Variants in KCNB2 observed in about 807,000 individuals in gnomAD.
KCNB2 encodes potassium voltage-gated channel subfamily B member 2.
KCNB2 carries 15 observed loss-of-function variants against 61.5 expected under a neutral mutation model. The ratio of observed to expected loss-of-function variants is 0.24; its 90% CI spans 0.16 to 0.38. The LOEUF is 0.38. Among genes scored for constraint, KCNB2 ranks in the 10% least tolerant of loss-of-function variants. The probability of loss-of-function intolerance (pLI) is 1.00; values close to 1 mark genes in which losing one functional copy is unlikely to be tolerated. For missense variants in KCNB2, 828 were observed against 1,125.2 expected, an observed-to-expected ratio of 0.74 and a Z score of 3.78; for synonymous variants, 457 against 446.0, an observed-to-expected ratio of 1.02 and a Z score of -0.31.
At chr8:72,630,550 C>T (rs1280571067) in intron 2 of KCNB2, among the ~76,000 whole-genome samples, 1 of 152,156 alleles carries the variant, frequency 6.6e-6, no homozygotes, top group Non-Finnish European at 1.5e-5. Context: ...AATTTATTGC[C>T]TTTCAATTCT....
At chr8:72,577,727 C>G (rs1441836191) in intron 2 of KCNB2, among the ~76,000 whole-genome samples, 1 of 152,188 alleles carries the variant, frequency 6.6e-6, no homozygotes, top group African/African-American at 2.4e-5. Flanking sequence ...GCCTACGCCA[C>G]AGCAGTGCCA....
At chr8:72,866,727 C>T (rs1805528101) in intron 2 of KCNB2, among the ~76,000 whole-genome samples, 1 of 152,196 alleles carries the variant, frequency 6.6e-6, no homozygotes, top group South Asian at 2.1e-4. Flanking sequence ...CTGCTATGGG[C>T]ACCTCTCATT....
chr8:72,551,949 G>A (rs999641463), intron 1 of KCNB2, among the ~76,000 whole-genome samples: 1 of 152,154 alleles, frequency 6.6e-6, no homozygotes, highest in African/African-American at 2.4e-5. Context: ...GTCATAAAAT[G>A]GAACCGGGAG....
chr8:72,834,071 T>A (rs1809739732), intron 2 of KCNB2, among the ~76,000 whole-genome samples: 1 of 152,200 alleles, frequency 6.6e-6, no homozygotes, highest in Non-Finnish European at 1.5e-5. Flanking sequence ...AGAAATATAT[T>A]CATTCTGTTT....
At chr8:72,806,601 T>C (rs756067272) in intron 2 of KCNB2, among the ~76,000 whole-genome samples, 21 of 150,718 alleles carry the variant, frequency 1.4e-4, no homozygotes, top group Admixed American at 2.6e-4. Flanking sequence ...GGCGACAGAG[T>C]GAGAATCAGT....
In KCNB2 at chr8:72,938,183, A is replaced by C; in HGVS notation, c.*92A>C. The C allele has an allele frequency of 9.6e-7, 1 of 1,038,472 alleles. No homozygotes were observed. The highest frequency in any genetic ancestry group is 1.4e-6 in the Non-Finnish European group (1 of 703,418). 64.3% of individuals were successfully genotyped at this position (1,038,472 alleles called of 1,614,324 possible). A position where few individuals can be genotyped will look rare whatever the true frequency, so the allele number is the denominator to read the frequency against. On this transcript the variant is annotated 3_prime_UTR_variant, in exon 3 of 3. Transcript: ENST00000523207. ...TTAATAATGCCTGTGAACTAAAAAA[A>C]TGGGAAGCCCTCCCCAAAAAAAGTG... is the stretch of plus-strand genomic sequence containing the variant.
At chr8:72,619,348 TG>T (rs1350696841) in intron 2 of KCNB2, 1 of 577,372 alleles carries the variant, frequency 1.7e-6, no homozygotes, top group African/African-American at 1.9e-5. Context: ...TGAAGAGGCT[TG>T]GCTTCTGATT....
At chr8:72,668,380 A>T (rs761555069) in intron 2 of KCNB2, among the ~76,000 whole-genome samples, 18 of 152,148 alleles carry the variant, frequency 1.2e-4, no homozygotes, top group Non-Finnish European at 2.1e-4. Context: ...TCTAGTGTGG[A>T]TTATGGCCCC....
chr8:72,898,607 C>T (rs1039569440), intron 2 of KCNB2, among the ~76,000 whole-genome samples: 1 of 152,116 alleles, frequency 6.6e-6, no homozygotes, highest in African/African-American at 2.4e-5. Flanking sequence ...TTCCCTTGCT[C>T]TTTCCTATTC....
In KCNB2 at chr8:72,717,901, T is replaced by C. The variant is rs893140131; in HGVS notation, c.579+149588T>C. ...AACCTACAGAATGGGAGAAAATTTTTGCAACCTCCTCATCTGACAAAGGGC... is the reference window on the plus strand; with the variant it reads ...AACCTACAGAATGGGAGAAAATTTTCGCAACCTCCTCATCTGACAAAGGGC... On this transcript the variant is annotated intron_variant, in intron 2 of 2. Coordinates refer to ENST00000523207, the MANE Select transcript of KCNB2 (RefSeq NM_004770.3). Among the ~76,000 whole-genome samples, 78 of 152,270 alleles carry C rather than the reference T, an allele frequency of 5.1e-4. 1 individual carries two copies. Among genetic ancestry groups the C allele is most frequent in the Non-Finnish European group, 1.0e-3 (69 of 68,028 alleles).
chr8:72,864,698 T>C (rs1032781890), intron 2 of KCNB2, among the ~76,000 whole-genome samples: 3 of 152,208 alleles, frequency 2.0e-5, no homozygotes, highest in Non-Finnish European at 4.4e-5. Flanking sequence ...CGAAGGTGAC[T>C]GTAATAGGAT....
intron 2 of KCNB2, among the ~76,000 whole-genome samples, chr8:72,932,030 A>AAAC (rs778060759): frequency 6.4e-4 from 91 of 141,462 alleles, no homozygotes; most frequent in African/African-American, 2.2e-3. Flanking sequence ...AACAAACAAA[A>AAAC]AAAACTCCTG....
At chr8:72,595,069 C>A (rs1807166254) in intron 2 of KCNB2, among the ~76,000 whole-genome samples, 1 of 152,042 alleles carries the variant, frequency 6.6e-6, no homozygotes, top group Admixed American at 6.6e-5. Flanking sequence ...TACAGATCAG[C>A]CTTGCAGTGT....
intron 2 of KCNB2, among the ~76,000 whole-genome samples, chr8:72,776,803 C>A (rs1478220634): frequency 6.6e-6 from 1 of 152,116 alleles, no homozygotes; most frequent in Admixed American, 6.6e-5. Flanking sequence ...ATCTCCGGAG[C>A]AAAGGTCTTT....
intron 2 of KCNB2, among the ~76,000 whole-genome samples, chr8:72,737,653 G>A (rs1585862579): frequency 6.6e-6 from 1 of 152,148 alleles, no homozygotes; most frequent in East Asian, 1.9e-4. Context: ...AAGATGGGAA[G>A]ATTACTAAAT....
chr8:72,568,818 A>G (rs916603560), intron 2 of KCNB2, among the ~76,000 whole-genome samples: 1 of 152,066 alleles, frequency 6.6e-6, no homozygotes, highest in Admixed American at 6.5e-5. Flanking sequence ...TGAGGAAGGG[A>G]CTGTTTTATT....
intron 2 of KCNB2, among the ~76,000 whole-genome samples, chr8:72,638,820 T>C (rs150189499): frequency 1.3e-5 from 2 of 152,258 alleles, no homozygotes; most frequent in East Asian, 3.9e-4. Flanking sequence ...GCCTGGAACC[T>C]TTCCCACTAC....
chr8:72,892,189 T>C (rs1805907332), intron 2 of KCNB2, among the ~76,000 whole-genome samples: 1 of 152,184 alleles, frequency 6.6e-6, no homozygotes, highest in South Asian at 2.1e-4. Flanking sequence ...GAGGATTGGT[T>C]CAAAATTAGT....
chr8:72,603,207 A>G (rs1805384012), intron 2 of KCNB2, among the ~76,000 whole-genome samples: 1 of 152,178 alleles, frequency 6.6e-6, no homozygotes, highest in Non-Finnish European at 1.5e-5. Flanking sequence ...TGGTTTATAA[A>G]GCGAAGTCCA....
Sources: gnomAD v4.1 joint callset for allele counts (sites outside exome capture counted in the v4.1 genomes callset) on GRCh38, gnomAD v4.1.1 for gene constraint, MANE v1.5 for transcripts, NCBI Gene and HGNC (gene_info 2026-07-23, HGNC 2026-07-21) for gene names.